TSBP1: variants seen among roughly 807,000 people sequenced by gnomAD.
The protein encoded by TSBP1 is testis-expressed basic protein 1.
TSBP1 carries 56 observed loss-of-function variants against 68.8 expected under a neutral mutation model. That is an observed-to-expected ratio of 0.81 (90% CI 0.66 to 1.02). The LOEUF is 1.02. Ranked by LOEUF, TSBP1 falls within the 50% of genes least tolerant of loss-of-function variation. The pLI is 0.00. For synonymous variants in TSBP1, 171 were observed against 208.7 expected, an observed-to-expected ratio of 0.82 and a Z score of 1.56; for missense variants, 502 against 641.2, an observed-to-expected ratio of 0.78 and a Z score of 2.34.
At chr6:32,310,761 A>ATATATATATATATATTT in intron 19 of TSBP1, among the ~76,000 whole-genome samples, 94 of 144,828 alleles carry the variant, frequency 6.5e-4, no homozygotes, top group Middle Eastern at 3.7e-3. Flanking sequence ...ATATATATAT[A>ATATATATATATATATTT]TTTTTAATCT....
At chr6:32,303,181 T>A (rs1765469982) in intron 19 of TSBP1, among the ~76,000 whole-genome samples, 1 of 152,206 alleles carries the variant, frequency 6.6e-6, no homozygotes. Flanking sequence ...TATTCCCCCC[T>A]CAGATATTGC....
rs1428570798 is a variant in TSBP1, at chr6:32,336,924, G to C, written c.410-289C>G. 6.6e-6 allele frequency among the ~76,000 whole-genome samples: 1 copy of C among 152,174 alleles called. No individual in the cohort carries two copies. Among genetic ancestry groups the C allele is most frequent in the African/African-American group, 2.4e-5 (1 of 41,448 alleles). ...GCTTTCCCTTGTCCTAAACTCAGTA[G>C]CAATTCAGGATATTGTGTCTGATTG... On this transcript the variant is annotated intron_variant, in intron 11 of 22. Coordinates refer to ENST00000612031, the Ensembl canonical transcript of TSBP1. This position sits in a 1 kb window ranked among gnomAD's most constrained non-coding sequence, Gnocchi z 5.2.
Position 32,315,871 on chromosome 6 carries a change from G to GATA in TSBP1, c.560-80_560-79insTAT. 1.1e-6 allele frequency: 1 copy of GATA among 930,388 alleles called. No homozygotes were observed. Among genetic ancestry groups the GATA allele is most frequent in the Non-Finnish European group, 1.6e-6 (1 of 618,332 alleles). The allele number at this position is 930,388 out of a possible 1,614,324, so 57.6% of individuals were successfully genotyped here. A position where few individuals can be genotyped will look rare whatever the true frequency, so the allele number is the denominator to read the frequency against. On this transcript the variant is annotated intron_variant, in intron 18 of 22. Coordinates refer to ENST00000612031, the Ensembl canonical transcript of TSBP1. This position sits in a 1 kb window ranked among gnomAD's most constrained non-coding sequence, Gnocchi z 5.4. ...TAGCATTATCTAACATATTTTGTTGGAGTCTGTGAGGGGAGGACTTGTGTG... is the reference window on the plus strand; with the variant it reads ...TAGCATTATCTAACATATTTTGTTGGATAAGTCTGTGAGGGGAGGACTTGTGTG...
chr6:32,310,251 A>AGTGTGTGT (rs9279576), intron 19 of TSBP1, among the ~76,000 whole-genome samples: 2 of 151,400 alleles, frequency 1.3e-5, no homozygotes. Context: ...GGCACATGTA[A>AGTGTGTGT]GTGTGTGTGT....
Position 32,319,390 on chromosome 6 carries a change from C to T in TSBP1, c.560-3598G>A, listed in dbSNP as rs555518791. ...TCCTACTTGCCCTCTTGAGCCCTCA[C>T]TCTCACCCCAGTTAATCCTCCACAA... On this transcript the variant is annotated intron_variant, in intron 18 of 22. Coordinates refer to ENST00000612031, the Ensembl canonical transcript of TSBP1. Among the ~76,000 whole-genome samples, 145 of 152,344 alleles carry T rather than the reference C, an allele frequency of 9.5e-4. 1 individual carries two copies. Among genetic ancestry groups the T allele is most frequent in the Non-Finnish European group, 2.4e-4 (16 of 68,034 alleles).
chr6:32,370,407 G>GTGTGTGTGTATATA (rs1241237254), intron 1 of TSBP1, among the ~76,000 whole-genome samples: 1,562 of 130,572 alleles, frequency 0.012, 46 homozygotes, highest in South Asian at 0.02. Flanking sequence ...AAGATTTTCT[G>GTGTGTGTGTATATA]TATATATATA....
At chr6:32,295,747 T>C (rs1764640094) in intron 22 of TSBP1, among the ~76,000 whole-genome samples, 1 of 152,068 alleles carries the variant, frequency 6.6e-6, no homozygotes, top group Non-Finnish European at 1.5e-5. Context: ...AATGAGATAG[T>C]ACAGGAAAAA....
At chr6:32,313,801 A>G (rs1766667012) in intron 19 of TSBP1, among the ~76,000 whole-genome samples, 2 of 152,180 alleles carry the variant, frequency 1.3e-5, no homozygotes, top group African/African-American at 4.8e-5. Context: ...CACCTCCAGC[A>G]GGGCTCTGCA....
chr6:32,310,761 A>ATATATATATTTTT, intron 19 of TSBP1, among the ~76,000 whole-genome samples: 15 of 144,830 alleles, frequency 1.0e-4, no homozygotes, highest in Admixed American at 2.8e-4. Context: ...ATATATATAT[A>ATATATATATTTTT]TTTTTAATCT....
intron 16 of TSBP1, chr6:32,323,835 T>C: frequency 1.7e-6 from 1 of 579,296 alleles, no homozygotes; most frequent in South Asian, 2.2e-5. Context: ...TAAAGTAGTA[T>C]GCACCCCAAG....
rs757239749 is a variant in TSBP1 at position 32,335,467 on chromosome 6, A to G, written c.452-10T>C. On this transcript the variant is annotated splice_polypyrimidine_tract_variant and intron_variant, in intron 13 of 22. Coordinates refer to ENST00000612031, the Ensembl canonical transcript of TSBP1. The surrounding 1 kb of genome is among the most constrained non-coding windows in gnomAD (Gnocchi z 5.5). ...GTTTTTTGAGAGAGCTCTAAAAAAA[A>G]AAGAGAAAAGAAATCAGTAGCTATA... The G allele has an allele frequency of 1.4e-6, 2 of 1,474,704 alleles. No individual in the cohort carries two copies. Among genetic ancestry groups the G allele is most frequent in the Non-Finnish European group, 1.8e-6 (2 of 1,106,450 alleles). The allele number at this position is 1,474,704 out of a possible 1,614,324, so 91.4% of individuals were successfully genotyped here. A position where few individuals can be genotyped will look rare whatever the true frequency, so the allele number is the denominator to read the frequency against.
intron 6 of TSBP1, among the ~76,000 whole-genome samples, chr6:32,363,178 A>G (rs770061351): frequency 6.6e-6 from 1 of 152,168 alleles, no homozygotes; most frequent in Non-Finnish European, 1.5e-5. Context: ...TGATGTAAGT[A>G]TAGCCACCCC....
At chr6:32,317,005 G>A (rs759042512) in intron 18 of TSBP1, among the ~76,000 whole-genome samples, 1 of 152,196 alleles carries the variant, frequency 6.6e-6, no homozygotes, top group African/African-American at 2.4e-5. Context: ...AGGGTTTTAA[G>A]AGGGGTTGGC....
At chr6:32,368,684 T>G in intron 3 of TSBP1, 98 bp downstream of exon 3, 1 of 1,299,496 alleles carries the variant, frequency 7.7e-7, no homozygotes, top group Non-Finnish European at 1.1e-6. Context: ...CTATGCAAGG[T>G]TCTGGAAACA....
At chr6:32,324,170 A>T (rs553463228) in intron 16 of TSBP1, among the ~76,000 whole-genome samples, 1 of 152,208 alleles carries the variant, frequency 6.6e-6, no homozygotes, top group African/African-American at 2.4e-5. Flanking sequence ...ATAACAACTT[A>T]AAGTTGTTAT....
chr6:32,366,150 T>G lies in TSBP1; in HGVS notation c.217+17A>C. On this transcript the variant is annotated intron_variant, in intron 6 of 22. Coordinates refer to ENST00000612031, the Ensembl canonical transcript of TSBP1. ...TGATTTTCCTTTAATTTTACAAAAATCTCTACATATACTTACCTCGGTTAT... is the reference window on the plus strand; with the variant it reads ...TGATTTTCCTTTAATTTTACAAAAAGCTCTACATATACTTACCTCGGTTAT... 1 of 1,601,192 alleles carries G rather than the reference T, an allele frequency of 6.2e-7. No homozygotes were observed. The highest frequency in any genetic ancestry group is 8.5e-7 in the Non-Finnish European group (1 of 1,174,986).
In TSBP1 at chr6:32,367,958, C is replaced by CT. The variant is rs1773955752; in HGVS notation, c.134-2dup. On this transcript the variant is annotated splice_acceptor_variant, in intron 3 of 22. Coordinates refer to ENST00000612031, the Ensembl canonical transcript of TSBP1. LOFTEE classifies it high-confidence loss of function. ...TCCTCATAGTCCAGAAGTCTAGCAC[C>CT]TAGAAAAAAAGGGAGAGCACATGAT... The CT allele has an allele frequency of 6.2e-7, 1 of 1,608,822 alleles. No individual in the cohort carries two copies. Among genetic ancestry groups the CT allele is most frequent in the Non-Finnish European group, 8.5e-7 (1 of 1,178,248 alleles).
At chr6:32,359,254 C>T (rs1583165582) in intron 6 of TSBP1, among the ~76,000 whole-genome samples, 2 of 152,154 alleles carry the variant, frequency 1.3e-5, no homozygotes, top group African/African-American at 4.8e-5. Flanking sequence ...TAGTTTACAG[C>T]CCCACCAACA....
chr6:32,359,360 T>C (rs1466320517), intron 6 of TSBP1, among the ~76,000 whole-genome samples: 2 of 152,114 alleles, frequency 1.3e-5, no homozygotes, highest in African/African-American at 4.8e-5. Context: ...AGATGGTATC[T>C]CATTGTGGTT....
Sources: gnomAD v4.1 joint callset for allele counts (sites outside exome capture counted in the v4.1 genomes callset) on GRCh38, gnomAD v4.1.1 for gene constraint, Gnocchi (gnomAD v3.1) non-coding constraint, MANE v1.5 for transcripts, NCBI Gene and HGNC (gene_info 2026-07-23, HGNC 2026-07-21) for gene names.